The following ESD variants were observed in gnomAD, a reference collection of about 807,000 sequenced individuals.
ESD encodes esterase D.
A neutral mutation model predicts 38.1 loss-of-function variants in ESD; 34 were observed. The observed-to-expected ratio is 0.89, with a 90% CI of 0.68 to 1.19. The LOEUF is 1.19. ESD is among the 50% of genes most tolerant of loss of function. The pLI is 0.00. For missense variants in ESD, 334 were observed against 327.2 expected, an observed-to-expected ratio of 1.02 and a Z score of -0.16; for synonymous variants, 97 against 107.0, an observed-to-expected ratio of 0.91 and a Z score of 0.58.
intron 4 of ESD, among the ~76,000 whole-genome samples, chr13:46,785,893 AC>A (rs1212722311): frequency 6.6e-6 from 1 of 151,956 alleles, no homozygotes; most frequent in Non-Finnish European, 1.5e-5. Context: ...TGACTATAGT[AC>A]CCCTCACCAG....
chr13:46,773,858 A>G (rs541190058), intron 9 of ESD, among the ~76,000 whole-genome samples: 1 of 152,328 alleles, frequency 6.6e-6, no homozygotes, highest in East Asian at 1.9e-4. Context: ...GCTAAATTAC[A>G]GTTTCCTATA....
intron 9 of ESD, chr13:46,775,969 A>C (rs1008728485): frequency 4.4e-6 from 1 of 229,142 alleles, no homozygotes; most frequent in African/African-American, 2.3e-5. Context: ...ATCATTGTAG[A>C]AACAACAGAA....
In ESD at chr13:46,779,961, A is replaced by G. The variant is rs764650656; in HGVS notation, c.574T>C (p.Leu192=). ...PWGKKAFSGY[L]GTDQSKWKAY... ...TTCCATTTACTTTGATCTGTTCCCA[A>G]ATATCCACTAAAGGCTTTTTTGCCC... Residue 192 remains leucine (L), a synonymous_variant, in exon 8 of 10, where the codon TTG becomes CTG. Transcript: ENST00000378720. The G allele has an allele frequency of 8.1e-6, 13 of 1,606,174 alleles. No homozygotes were observed. The highest frequency in any genetic ancestry group is 1.3e-5 in the African/African-American group (1 of 74,418).
At chr13:46,797,587 A>G (rs1486053309), upstream of ESD, among the ~76,000 whole-genome samples, 2 of 152,230 alleles carry the variant, frequency 1.3e-5, no homozygotes, top group African/African-American at 2.4e-5. Context: ...TCCCAAGACT[A>G]TCCACGTCAC....
intron 3 of ESD, among the ~76,000 whole-genome samples, chr13:46,787,411 T>C (rs539378767): frequency 6.6e-6 from 1 of 152,080 alleles, no homozygotes; most frequent in East Asian, 1.9e-4. Flanking sequence ...TATTAAAAAA[T>C]AGTTTTTGTT....
At chr13:46,784,715 A>G (rs1424840714) in intron 4 of ESD, among the ~76,000 whole-genome samples, 1 of 151,992 alleles carries the variant, frequency 6.6e-6, no homozygotes, top group African/African-American at 2.4e-5. Flanking sequence ...ATTTTGAGTA[A>G]GACACTAAAA....
chr13:46,784,358 T>TA lies in ESD; in HGVS notation c.158-9dup. On this transcript the variant is annotated splice_polypyrimidine_tract_variant and intron_variant, in intron 4 of 9. Transcript: ENST00000378720. ...GCTCTGTGCAAGTTAAACCTGAAGATAAAAAATATTGTTATTGGGCACACA... is the reference window on the plus strand; with the variant it reads ...GCTCTGTGCAAGTTAAACCTGAAGATAAAAAAATATTGTTATTGGGCACACA... 6.3e-7 allele frequency: 1 copy of TA among 1,579,986 alleles called. No individual in the cohort carries two copies. The highest frequency in any genetic ancestry group is 8.7e-7 in the Non-Finnish European group (1 of 1,152,608).
At chr13:46,782,082 A>G (rs887260937) in intron 6 of ESD, among the ~76,000 whole-genome samples, 1 of 151,848 alleles carries the variant, frequency 6.6e-6, no homozygotes, top group African/African-American at 2.4e-5. Context: ...TAACACTAGA[A>G]AATATTTTTA....
At chr13:46,784,444 G>A (rs763280553) in intron 4 of ESD, 94 bp from the exon 5 acceptor site, 12 of 839,326 alleles carry the variant, frequency 1.4e-5, no homozygotes, top group East Asian at 2.6e-5. Context: ...AGACGGAGAC[G>A]GACAAGGGCT....
chr13:46,778,090 A>G (rs1368661790), intron 8 of ESD, among the ~76,000 whole-genome samples: 1 of 151,758 alleles, frequency 6.6e-6, no homozygotes, highest in Non-Finnish European at 1.5e-5. Context: ...AATTCCAGAC[A>G]TAAACACATT....
chr13:46,781,176 A>G (rs1402205362), intron 7 of ESD, among the ~76,000 whole-genome samples: 3 of 151,780 alleles, frequency 2.0e-5, no homozygotes, highest in Admixed American at 6.6e-5. Context: ...CTATAACATT[A>G]ATCAGTAATA....
intron 9 of ESD, among the ~76,000 whole-genome samples, chr13:46,772,653 C>G (rs1010412680): frequency 1.3e-5 from 2 of 152,142 alleles, no homozygotes; most frequent in African/African-American, 4.8e-5. Flanking sequence ...TGTGTTCTCA[C>G]CATTCAGCTC....
At chr13:46,775,465 T>G (rs1874761044) in intron 9 of ESD, 1 of 286,142 alleles carries the variant, frequency 3.5e-6, no homozygotes, top group Non-Finnish European at 7.3e-6. Flanking sequence ...TTTTTACAGC[T>G]TCTATCCCAC....
chr13:46,781,805 AAT>A (rs1875012710), intron 6 of ESD, among the ~76,000 whole-genome samples, 190 bp from the exon 7 acceptor site: 1 of 151,898 alleles, frequency 6.6e-6, no homozygotes, highest in Non-Finnish European at 1.5e-5. Context: ...ATCCCTGGAA[AAT>A]ATATGGTACA....
At position 46,771,369 on chromosome 13, in the gene ESD, T is replaced by C. The variant is rs776628664; in HGVS notation, c.*47A>G. 11 of 1,316,022 alleles carry C rather than the reference T, an allele frequency of 8.4e-6. No homozygotes were observed. The highest frequency in any genetic ancestry group is 1.5e-5 in the African/African-American group (1 of 66,624). 81.5% of individuals were successfully genotyped at this position (1,316,022 alleles called of 1,614,324 possible). ...TTTTTGCTCAGCAATACAGTTGCAT[T>C]TTACAACTTTTATAATCCTGAAGAG... On this transcript the variant is annotated 3_prime_UTR_variant, in exon 10 of 10. Transcript: ENST00000378720.
At chr13:46,771,619 T>G (rs752706101) in intron 9 of ESD, 123 bp from the exon 10 acceptor site, 2 of 543,644 alleles carry the variant, frequency 3.7e-6, no homozygotes, top group African/African-American at 3.9e-5. Flanking sequence ...TAAGGAAGTA[T>G]GAGGAAGGTT....
chr13:46,789,807 G>A (rs1286988135), intron 3 of ESD, among the ~76,000 whole-genome samples: 1 of 151,446 alleles, frequency 6.6e-6, no homozygotes, highest in Non-Finnish European at 1.5e-5. Context: ...TTTTGTAGTT[G>A]AGGATTTTTT....
chr13:46,796,889 G>A (rs1293402674), intron 1 of ESD, among the ~76,000 whole-genome samples: 1 of 152,260 alleles, frequency 6.6e-6, no homozygotes, highest in African/African-American at 2.4e-5. Flanking sequence ...GCTCAGAGAA[G>A]GAAAAGGGAT....
At position 46,778,108 on chromosome 13, in the gene ESD, C is replaced by CT. The variant is rs538789458; in HGVS notation, c.601-486dup. Among the ~76,000 whole-genome samples the CT allele has an allele frequency of 1.3e-4, 19 of 151,718 alleles. No homozygotes were observed. The South Asian group carries it at 3.3e-3, about 27-fold the overall frequency. On this transcript the variant is annotated intron_variant, in intron 8 of 9. Coordinates refer to ENST00000378720, the MANE Select transcript of ESD (RefSeq NM_001984.2). Reference sequence around the variant, plus strand: ...TCCAGACATAAACACATTCAGCCTTCTTTTTTGCTGTTGAACAGCACCAAA... The same window carrying CT: ...TCCAGACATAAACACATTCAGCCTTCTTTTTTTGCTGTTGAACAGCACCAAA...
Sources: allele counts gnomAD v4.1 joint callset (sites outside exome capture counted in the v4.1 genomes callset), GRCh38; gene constraint gnomAD v4.1.1; transcripts MANE v1.5; gene names NCBI Gene and HGNC (gene_info 2026-07-23, HGNC 2026-07-21).